Variants in PREX2 observed in about 807,000 individuals in gnomAD.
The protein encoded by PREX2 is phosphatidylinositol 3,4,5-trisphosphate-dependent Rac exchanger 2 protein.
In PREX2, 107 loss-of-function variants were observed where a neutral mutation model predicts 203.2. The observed-to-expected ratio is 0.53, with a 90% CI of 0.45 to 0.62. The LOEUF (loss-of-function observed/expected upper bound fraction) is 0.62. Among genes scored for constraint, PREX2 ranks in the 20% least tolerant of loss-of-function variants. The pLI, the probability that PREX2 is intolerant of heterozygous loss-of-function variation, is 0.00. For missense variants in PREX2, 1,777 were observed against 1,955.9 expected (o/e 0.91, Z 1.72); for synonymous variants, 672 against 663.6 (o/e 1.01, Z -0.19).
At chr8:68,220,629 A>G (rs1402276412) in intron 38 of PREX2, among the ~76,000 whole-genome samples, 1 of 152,164 alleles carries the variant, frequency 6.6e-6, no homozygotes, top group Non-Finnish European at 1.5e-5. Context: ...AAGTTTCTCC[A>G]GGGTAACCAA....
At chr8:68,067,147 G>A (rs748319719) in intron 11 of PREX2, among the ~76,000 whole-genome samples, 1 of 152,074 alleles carries the variant, frequency 6.6e-6, no homozygotes, top group Non-Finnish European at 1.5e-5. Flanking sequence ...TCTGAAGTCA[G>A]TAATGTCATG....
At position 68,099,704 on chromosome 8, in the gene PREX2, G is replaced by C; in HGVS notation, c.2576G>C (p.Ser859Thr). Residue 859 changes from serine to threonine, a missense_variant, in exon 23 of 40, where the codon AGT becomes ACT. Transcript: ENST00000288368. ...TAKILEALAK[S>T]DEHFVQNCTS... ...CAGATTCTTGAAGCCCTGGCTAAAA[G>C]TGATGAGCATTTTGTACAAAACTGT... 6.2e-7 allele frequency: 1 copy of C among 1,613,804 alleles called. No individual in the cohort carries two copies.
At chr8:68,135,348 A>T (rs1243428214) in intron 32 of PREX2, among the ~76,000 whole-genome samples, 1 of 152,196 alleles carries the variant, frequency 6.6e-6, no homozygotes, top group African/African-American at 2.4e-5. Context: ...TGAGTGACAT[A>T]TGCAGAATAT....
Position 68,127,393 on chromosome 8 carries a change from T to C in PREX2, c.3740T>C (p.Leu1247Pro), listed in dbSNP as rs764163951. ...RKFVEEVKCR[L>P]LLALLEYSDS... ...TTCTCTGCAGAGGTAAAGTGTAGGC[T>C]ACTCCTGGCTCTTCTTGAATATTCA... Residue 1247 changes from leucine to proline, a missense_variant, in exon 31 of 40, where the codon CTA (leucine) becomes CCA (proline). Leu to Pro is a moderately conservative substitution (Grantham distance 98). Coordinates refer to ENST00000288368, the MANE Select transcript of PREX2 (RefSeq NM_024870.4). 21 of 1,608,090 alleles carry C rather than the reference T, an allele frequency of 1.3e-5. No individual in the cohort carries two copies. The highest frequency in any genetic ancestry group is 2.7e-5 in the African/African-American group (2 of 74,734).
At chr8:68,228,538 G>A (rs928690020) in intron 39 of PREX2, among the ~76,000 whole-genome samples, 11 of 151,966 alleles carry the variant, frequency 7.2e-5, no homozygotes, top group Admixed American at 4.6e-4. Flanking sequence ...CGAGGCAGGC[G>A]GATCATGCGG....
intron 29 of PREX2, among the ~76,000 whole-genome samples, 178 bp downstream of exon 29, chr8:68,120,464 A>C (rs532263480): frequency 6.6e-6 from 1 of 152,298 alleles, no homozygotes; most frequent in East Asian, 1.9e-4. Flanking sequence ...TCAGCATAGG[A>C]ATTTTTACAT....
intron 23 of PREX2, among the ~76,000 whole-genome samples, chr8:68,100,380 A>T (rs1810224644): frequency 6.6e-6 from 1 of 152,234 alleles, no homozygotes; most frequent in African/African-American, 2.4e-5. Context: ...GCTCACATTC[A>T]AGTGGGAGAG....
Position 68,083,348 on chromosome 8 carries a change from A to G in PREX2, c.1987A>G (p.Arg663Gly). 1 of 1,611,876 alleles carries G rather than the reference A, an allele frequency of 6.2e-7. No homozygotes were observed. The highest frequency in any genetic ancestry group is 8.5e-7 in the Non-Finnish European group (1 of 1,178,512). The change falls in exon 18 of 40, where the codon AGA becomes GGA. Residue 663 changes from arginine (R) to glycine (G), a missense_variant. Coordinates refer to ENST00000288368, the MANE Select transcript of PREX2 (RefSeq NM_024870.4). ...DCFLKSCLNS[R>G]KPLRVLVSTK... is the part of the protein sequence containing the mutation. ...CTTCCTGAAATCGTGTTTAAACAGC[A>G]GAAAACCTCTAAGAGTTCTTGTGAG...
intron 4 of PREX2, 34 bp from the exon 5 acceptor site, chr8:68,027,188 A>G (rs1382510028): frequency 6.9e-7 from 1 of 1,456,848 alleles, no homozygotes; most frequent in Non-Finnish European, 9.6e-7. Context: ...GAGATTATTA[A>G]AGATGTAATT....
At chr8:68,138,641 T>G (rs2129613507) in intron 33 of PREX2, 124 bp downstream of exon 33, 2 of 500,014 alleles carry the variant, frequency 4.0e-6, no homozygotes, top group South Asian at 7.7e-5. Context: ...CCTTTTGATT[T>G]AGAAATTTTC....
chr8:68,188,885 A>G (rs995159002), intron 35 of PREX2, among the ~76,000 whole-genome samples: 2 of 152,220 alleles, frequency 1.3e-5, no homozygotes, highest in Admixed American at 1.3e-4. Context: ...AAAAATGTCA[A>G]GTTATTATTT....
At chr8:67,962,959 C>T (rs1465462334) in intron 1 of PREX2, among the ~76,000 whole-genome samples, 2 of 152,174 alleles carry the variant, frequency 1.3e-5, no homozygotes, top group Non-Finnish European at 2.9e-5. Context: ...ATTCTAGACA[C>T]AACTTTATCT....
intron 1 of PREX2, among the ~76,000 whole-genome samples, chr8:67,996,068 T>C (rs1806755370): frequency 6.6e-6 from 1 of 152,204 alleles, no homozygotes; most frequent in Non-Finnish European, 1.5e-5. Context: ...AATTTTAATT[T>C]GTATTTTCCT....
Position 68,104,484 on chromosome 8 carries a change from A to G in PREX2, c.2716-3625A>G, listed in dbSNP as rs1490309197. Among the ~76,000 whole-genome samples, 3 of 152,044 alleles carry G rather than the reference A, an allele frequency of 2.0e-5. No individual in the cohort carries two copies. In the East Asian group the frequency reaches 5.8e-4, roughly 29 times the overall value. On this transcript the variant is annotated intron_variant, in intron 23 of 39. Transcript: ENST00000288368. ...TCTGCCAAAAATGACCCCTTTCCAG[A>G]TGCTCACATTTCTAACTTTCCACTC...
chr8:68,113,965 G>T (rs551908665), intron 25 of PREX2, among the ~76,000 whole-genome samples: 1 of 152,036 alleles, frequency 6.6e-6, no homozygotes, highest in Non-Finnish European at 1.5e-5. Flanking sequence ...GGGTTCAAGC[G>T]ATTCTCCTGC....
At chr8:68,011,947 C>T (rs897345208) in intron 1 of PREX2, among the ~76,000 whole-genome samples, 1 of 152,168 alleles carries the variant, frequency 6.6e-6, no homozygotes, top group Admixed American at 6.5e-5. Context: ...GCAGTCATCT[C>T]AATAAATTTT....
chr8:68,222,450 AT>A (rs1299396639), intron 38 of PREX2, among the ~76,000 whole-genome samples: 11 of 151,798 alleles, frequency 7.2e-5, no homozygotes, highest in African/African-American at 1.7e-4. Flanking sequence ...AAAAAAAAAA[AT>A]GTATATAAGT....
chr8:68,106,599 A>G (rs1214641061), intron 23 of PREX2, among the ~76,000 whole-genome samples: 2 of 152,104 alleles, frequency 1.3e-5, no homozygotes. Context: ...GTATGTATAT[A>G]TATCACATAT....
intron 37 of PREX2, among the ~76,000 whole-genome samples, chr8:68,205,006 G>A (rs923401926): frequency 1.3e-5 from 2 of 151,998 alleles, no homozygotes; most frequent in Non-Finnish European, 1.5e-5. Flanking sequence ...TAAGCTACTC[G>A]GAAACCCTTG....
Sources: allele counts gnomAD v4.1 joint callset (sites outside exome capture counted in the v4.1 genomes callset), GRCh38; gene constraint gnomAD v4.1.1; transcripts MANE v1.5; gene names NCBI Gene and HGNC (gene_info 2026-07-23, HGNC 2026-07-21).